The following LRRC8C variants were observed in gnomAD, a reference collection of about 807,000 sequenced individuals.
LRRC8C encodes the protein leucine rich repeat containing 8 VRAC subunit C, also known as volume-regulated anion channel subunit LRRC8C.
In LRRC8C, 20 loss-of-function variants were observed where a neutral mutation model predicts 55.3. The observed-to-expected ratio is 0.36, with a 90% CI of 0.25 to 0.53. The LOEUF (loss-of-function observed/expected upper bound fraction) is 0.53, where lower values mean the gene tolerates loss of function less well. Ranked by LOEUF, LRRC8C falls within the 20% of genes least tolerant of loss-of-function variation. The probability of loss-of-function intolerance (pLI) is 0.92; values close to 1 mark genes in which losing one functional copy is unlikely to be tolerated. For synonymous variants in LRRC8C, 376 were observed against 360.7 expected (o/e 1.04, Z -0.48); for missense variants, 659 against 951.4 (o/e 0.69, Z 4.04).
In LRRC8C at chr1:89,686,461, C is replaced by A. The variant is rs1310976204; in HGVS notation, c.-4-9C>A. ...TAAATTGATTTACAAGTAATCTCTC[C>A]TTTCTCAGAAACATGATTCCCGTGA... On this transcript the variant is annotated splice_polypyrimidine_tract_variant and intron_variant, in intron 1 of 2. Coordinates refer to ENST00000370454, the MANE Select transcript of LRRC8C (RefSeq NM_032270.5). The A allele has an allele frequency of 1.9e-6, 3 of 1,613,796 alleles. No homozygotes were observed. The highest frequency in any genetic ancestry group is 2.5e-6 in the Non-Finnish European group (3 of 1,179,988).
chr1:89,700,528 T>C (rs1474926062), intron 2 of LRRC8C, among the ~76,000 whole-genome samples: 2 of 152,208 alleles, frequency 1.3e-5, no homozygotes, highest in African/African-American at 2.4e-5. Flanking sequence ...GCCAACCTAA[T>C]AGTAGATAGT....
At chr1:89,697,671 C>A (rs1386883472) in intron 2 of LRRC8C, among the ~76,000 whole-genome samples, 1 of 152,182 alleles carries the variant, frequency 6.6e-6, no homozygotes, top group Non-Finnish European at 1.5e-5. Flanking sequence ...CCACATAGAT[C>A]TTAAATTGCC....
chr1:89,695,366 A>C (rs1018940529), intron 2 of LRRC8C, among the ~76,000 whole-genome samples: 5 of 152,184 alleles, frequency 3.3e-5, no homozygotes, highest in Non-Finnish European at 7.4e-5. Flanking sequence ...CTCCCTACTC[A>C]AGTTATTTTA....
intron 1 of LRRC8C, among the ~76,000 whole-genome samples, chr1:89,643,286 T>G (rs1343943787): frequency 1.3e-5 from 2 of 152,212 alleles, no homozygotes; most frequent in South Asian, 4.1e-4. Flanking sequence ...TTTCATCATG[T>G]TGCCCAAGCT....
chr1:89,701,316 A>C (rs1000482362), intron 2 of LRRC8C, among the ~76,000 whole-genome samples: 2 of 152,066 alleles, frequency 1.3e-5, no homozygotes, highest in African/African-American at 4.8e-5. Context: ...CTCTACTAAA[A>C]CTACAAAAAA....
chr1:89,699,967 A>C (rs898576394), intron 2 of LRRC8C, among the ~76,000 whole-genome samples: 1 of 152,214 alleles, frequency 6.6e-6, no homozygotes, highest in African/African-American at 2.4e-5. Flanking sequence ...GATGAGGGGA[A>C]TCAATCTCAT....
At chr1:89,711,414 C>A (rs1025523141) in intron 2 of LRRC8C, among the ~76,000 whole-genome samples, 1 of 152,212 alleles carries the variant, frequency 6.6e-6, no homozygotes, top group African/African-American at 2.4e-5. Context: ...AATCACTAAC[C>A]ACTGCTGGTG....
intron 1 of LRRC8C, among the ~76,000 whole-genome samples, chr1:89,646,180 A>T (rs1378971952): frequency 6.6e-6 from 1 of 152,090 alleles, no homozygotes; most frequent in African/African-American, 2.4e-5. Context: ...TACTTTGAAA[A>T]CATTAATGAA....
intron 1 of LRRC8C, among the ~76,000 whole-genome samples, chr1:89,684,118 T>C (rs896337969): frequency 6.6e-6 from 1 of 152,188 alleles, no homozygotes; most frequent in South Asian, 2.1e-4. Context: ...TCACTTCTAG[T>C]ATGGTAAATA....
intron 1 of LRRC8C, among the ~76,000 whole-genome samples, chr1:89,670,586 T>C (rs1000521942): frequency 5.9e-5 from 9 of 152,254 alleles, no homozygotes; most frequent in African/African-American, 2.2e-4. Context: ...AGCTGTGGAC[T>C]TTCTCTTCAG....
chr1:89,686,411 C>A, intron 1 of LRRC8C, 59 bp from the exon 2 acceptor site: 1 of 1,576,116 alleles, frequency 6.3e-7, no homozygotes, highest in South Asian at 1.1e-5. Flanking sequence ...CATTTGGTAA[C>A]AATGCAGTAT....
In LRRC8C at chr1:89,659,052, T is replaced by TTTTG. The variant is rs1300966833; in HGVS notation, c.-5+25733_-5+25734insGTTT. The stretch of plus-strand genomic sequence containing the variant: ...TTTAGGTTGTGTCTTCTCCAGGTTT[T>TTTTG]TTTTTTTTTTGTGTGTGTGTGTGTG... On this transcript the variant is annotated intron_variant, in intron 1 of 2. Coordinates refer to ENST00000370454, the MANE Select transcript of LRRC8C (RefSeq NM_032270.5). Among the ~76,000 whole-genome samples, 368 of 40,286 alleles carry TTTTG rather than the reference T, an allele frequency of 9.1e-3. 17 individuals carry two copies. Among genetic ancestry groups the TTTTG allele is most frequent in the African/African-American group, 0.021 (330 of 15,402 alleles). The allele number at this position is 40,286 out of a possible 152,430, so 26.4% of individuals were successfully genotyped here. A position where few individuals can be genotyped will look rare whatever the true frequency, so the allele number is the denominator to read the frequency against.
In LRRC8C at chr1:89,713,326, G is replaced by A. The variant is rs1258360992; in HGVS notation, c.756G>A (p.Val252=). ...AGGTGAAGAAGTTCAGGCTGCATGT[G>A]GAAGAAGGTGATATTCTATATGCCA... ...FEKVKKFRLH[V]EEGDILYAMY... The change falls in exon 3 of 3, where the codon GTG becomes GTA. Residue 252 remains valine, a synonymous_variant. Transcript: ENST00000370454. The surrounding 1 kb of genome is among the most constrained non-coding windows in gnomAD (Gnocchi z 5.2). 1 of 1,614,078 alleles carries A rather than the reference G, an allele frequency of 6.2e-7. No homozygotes were observed. The highest frequency in any genetic ancestry group is 2.2e-5 in the East Asian group (1 of 44,900).
chr1:89,662,732 C>T (rs1657152642), intron 1 of LRRC8C, among the ~76,000 whole-genome samples: 1 of 152,062 alleles, frequency 6.6e-6, no homozygotes. Context: ...CTAGTTATAG[C>T]AAAAGGTTAA....
intron 1 of LRRC8C, among the ~76,000 whole-genome samples, chr1:89,671,940 C>T (rs922456605): frequency 1.3e-5 from 2 of 152,190 alleles, no homozygotes; most frequent in Non-Finnish European, 2.9e-5. Context: ...CATCTAAGAG[C>T]ATGTCATGTG....
intron 1 of LRRC8C, among the ~76,000 whole-genome samples, chr1:89,653,919 A>G (rs997189756): frequency 2.6e-5 from 4 of 152,246 alleles, no homozygotes; most frequent in Non-Finnish European, 5.9e-5. Context: ...TATATCAAAA[A>G]GCTACCCGCA....
chr1:89,673,010 A>G (rs1391722299), intron 1 of LRRC8C, among the ~76,000 whole-genome samples: 1 of 152,072 alleles, frequency 6.6e-6, no homozygotes, highest in Non-Finnish European at 1.5e-5. Context: ...CCACTGCCCA[A>G]AACATCATCT....
chr1:89,713,361 G>A lies in LRRC8C; in HGVS notation c.791G>A (p.Arg264His), dbSNP rs377556616. ...GATATTCTATATGCCATGTATGTTC[G>A]CCAGACTGTACTTAAAGTTATCAAA... ...EGDILYAMYVRQTVLKVIKFL... is the reference protein window; with the variant it reads ...EGDILYAMYVHQTVLKVIKFL... Residue 264 changes from arginine (R) to histidine (H), a missense_variant, in exon 3 of 3, where the codon CGC (arginine) becomes CAC (histidine). Physicochemically the swap from Arg to His is conservative, Grantham distance 29. Coordinates refer to ENST00000370454, the MANE Select transcript of LRRC8C (RefSeq NM_032270.5). This position sits in a 1 kb window ranked among gnomAD's most constrained non-coding sequence, Gnocchi z 5.2. 12 of 1,614,164 alleles carry A rather than the reference G, an allele frequency of 7.4e-6. No individual in the cohort carries two copies. Among genetic ancestry groups the A allele is most frequent in the Non-Finnish European group, 9.3e-6 (11 of 1,180,024 alleles).
At chr1:89,618,605 A>G in the LRRC8C span, among the ~76,000 whole-genome samples, 1 of 152,238 alleles carries the variant, frequency 6.6e-6, no homozygotes, top group Non-Finnish European at 1.5e-5. Context: ...AAACTAGAGG[A>G]GAGACGTGGA....
Sources: allele counts gnomAD v4.1 joint callset (sites outside exome capture counted in the v4.1 genomes callset), GRCh38; gene constraint gnomAD v4.1.1; non-coding constraint Gnocchi (gnomAD v3.1); transcripts MANE v1.5; gene names NCBI Gene and HGNC (gene_info 2026-07-23, HGNC 2026-07-21).